The following XYLB variants were observed in gnomAD, a reference collection of about 807,000 sequenced individuals.
The protein encoded by XYLB is xylulose kinase.
XYLB carries 62 observed loss-of-function variants against 78.7 expected under a neutral mutation model. The observed-to-expected ratio is 0.79, with a 90% CI of 0.64 to 0.97. XYLB has a LOEUF of 0.97. Among genes scored for constraint, XYLB ranks in the 50% least tolerant of loss-of-function variants. The probability of loss-of-function intolerance (pLI) is 0.00; values close to 1 mark genes in which losing one functional copy is unlikely to be tolerated. For missense variants in XYLB, 687 were observed against 676.8 expected, an observed-to-expected ratio of 1.02 and a Z score of -0.17; for synonymous variants, 245 against 247.4, an observed-to-expected ratio of 0.99 and a Z score of 0.09.
chr3:38,433,224 G>A, the XYLB span, among the ~76,000 whole-genome samples: 1 of 152,232 alleles, frequency 6.6e-6, no homozygotes, highest in South Asian at 2.1e-4. Context: ...GAAGCAGCTG[G>A]GATGTAAGGC....
the XYLB span, among the ~76,000 whole-genome samples, chr3:38,431,978 A>G: frequency 1.3e-5 from 2 of 152,198 alleles, no homozygotes; most frequent in Non-Finnish European, 2.9e-5. Flanking sequence ...GTTACTTCCT[A>G]GACACAATGG....
chr3:38,398,954 C>T (rs998250105), intron 17 of XYLB, among the ~76,000 whole-genome samples: 1 of 151,648 alleles, frequency 6.6e-6, no homozygotes, highest in Admixed American at 6.6e-5. Context: ...ATAGCTTGAA[C>T]TTGGGAGGCG....
chr3:38,353,007 A>G (rs1317898569), intron 2 of XYLB, among the ~76,000 whole-genome samples: 1 of 152,164 alleles, frequency 6.6e-6, no homozygotes, highest in African/African-American at 2.4e-5. Context: ...CTGAGATTAC[A>G]GGCGTGAGCC....
In XYLB at chr3:38,346,874, G is replaced by A; in HGVS notation, c.6G>A (p.Ala2=). ...GCAGCCTTACCCGAAAGGCCATGGC[G>A]GAGCACGCCCCTCGCCGCTGCTGCC... M[A]EHAPRRCCLG... is the part of the protein sequence containing the mutation. Residue 2 remains alanine, a synonymous_variant, in exon 1 of 19, where the codon GCG becomes GCA. Transcript: ENST00000207870. 1 of 1,520,934 alleles carries A rather than the reference G, an allele frequency of 6.6e-7. No individual in the cohort carries two copies. Among genetic ancestry groups the A allele is most frequent in the South Asian group, 1.2e-5 (1 of 80,922 alleles). 94.2% of individuals were successfully genotyped at this position (1,520,934 alleles called of 1,614,324 possible).
intron 12 of XYLB, among the ~76,000 whole-genome samples, chr3:38,375,564 A>C (rs982573898): frequency 6.6e-6 from 1 of 152,106 alleles, no homozygotes; most frequent in African/African-American, 2.4e-5. Context: ...CACTTTCCTC[A>C]TGAGATGGGG....
chr3:38,351,129 G>A (rs936433400), intron 2 of XYLB, among the ~76,000 whole-genome samples: 7 of 126,514 alleles, frequency 5.5e-5, no homozygotes, highest in Admixed American at 2.0e-4. Flanking sequence ...CCAAGATCGC[G>A]CCACTGCACT....
At chr3:38,410,697 A>G (rs1708542189) in intron 18 of XYLB, among the ~76,000 whole-genome samples, 1 of 152,166 alleles carries the variant, frequency 6.6e-6, no homozygotes, top group Non-Finnish European at 1.5e-5. Context: ...AGAAAAAAAC[A>G]ACCCCATCAA....
At chr3:38,355,073 C>G (rs948341677) in intron 2 of XYLB, among the ~76,000 whole-genome samples, 1 of 152,228 alleles carries the variant, frequency 6.6e-6, no homozygotes, top group Non-Finnish European at 1.5e-5. Context: ...ATCAAGGAGT[C>G]GTTTCCCTAC....
At chr3:38,408,023 A>T (rs887102043) in intron 18 of XYLB, among the ~76,000 whole-genome samples, 4 of 152,128 alleles carry the variant, frequency 2.6e-5, no homozygotes, top group African/African-American at 9.7e-5. Context: ...TCAGCTCTGC[A>T]CCAAGCGGAC....
intron 17 of XYLB, among the ~76,000 whole-genome samples, chr3:38,398,263 T>C (rs1707971333): frequency 6.7e-6 from 1 of 150,322 alleles, no homozygotes; most frequent in African/African-American, 2.4e-5. Flanking sequence ...AGGTCAGGAG[T>C]TCGAGACCAG....
chr3:38,381,791 A>T (rs1707157935), intron 15 of XYLB, among the ~76,000 whole-genome samples: 2 of 152,228 alleles, frequency 1.3e-5, no homozygotes, highest in African/African-American at 4.8e-5. Flanking sequence ...CTGTCTCCTG[A>T]TAAGATGTTA....
chr3:38,362,317 T>A (rs920125990), intron 3 of XYLB, among the ~76,000 whole-genome samples: 3 of 152,214 alleles, frequency 2.0e-5, no homozygotes, highest in African/African-American at 7.2e-5. Context: ...TGGCTCACTA[T>A]AGCCTCAATC....
the XYLB span, among the ~76,000 whole-genome samples, chr3:38,438,679 A>G: frequency 2.0e-5 from 3 of 152,310 alleles, no homozygotes; most frequent in East Asian, 3.9e-4. Context: ...CAGCAGCAAG[A>G]TTTATTGTGA....
the XYLB span, among the ~76,000 whole-genome samples, chr3:38,433,701 C>G: frequency 6.6e-6 from 1 of 152,226 alleles, no homozygotes; most frequent in Admixed American, 6.5e-5. Flanking sequence ...CAACCTCAGC[C>G]TGGACTCCAT....
intron 2 of XYLB, among the ~76,000 whole-genome samples, chr3:38,354,235 T>A (rs1003314933): frequency 1.3e-5 from 2 of 151,788 alleles, no homozygotes; most frequent in Non-Finnish European, 2.9e-5. Context: ...CACTGGCTAA[T>A]TTTTGTATTT....
the XYLB span, among the ~76,000 whole-genome samples, chr3:38,441,314 T>C: frequency 6.6e-6 from 1 of 152,266 alleles, no homozygotes; most frequent in Non-Finnish European, 1.5e-5. Context: ...CCACTAGTTC[T>C]ACTAACTGAT....
At chr3:38,391,609 A>G (rs704956) in intron 15 of XYLB, among the ~76,000 whole-genome samples, 148,146 of 152,292 alleles carry the variant, frequency 0.97, 72,176 homozygotes, top group East Asian at 1. Flanking sequence ...ATTTGCTATG[A>G]CCTGACTGTG....
rs9870665 is a variant in XYLB at position 38,355,988 on chromosome 3, C to T, written c.141-4351C>T. 9.3e-4 allele frequency: 510 copies of T among 546,652 alleles called. 2 individuals are homozygous for T. The highest frequency in any genetic ancestry group is 8.9e-3 in the African/African-American group (473 of 53,018). 33.9% of individuals were successfully genotyped at this position (546,652 alleles called of 1,614,324 possible). A position where few individuals can be genotyped will look rare whatever the true frequency, so the allele number is the denominator to read the frequency against. On this transcript the variant is annotated intron_variant, in intron 2 of 18. Coordinates refer to ENST00000207870, the MANE Select transcript of XYLB (RefSeq NM_005108.4). ...TACTGGGGCCAGGTGTGGTCGCTCA[C>T]GCCTGTAATCCCAGCACTTTGGGAT...
rs748491862 is a variant in XYLB at position 38,374,473 on chromosome 3, G to T, written c.859G>T (p.Gly287Cys). 15 of 1,614,056 alleles carry T rather than the reference G, an allele frequency of 9.3e-6. No individual in the cohort carries two copies. The South Asian group carries it at 1.6e-4, about 18-fold the overall frequency. Residue 287 changes from glycine to cysteine, a missense_variant, in exon 11 of 19, where the codon GGC becomes TGC. Physicochemically the swap from Gly to Cys is radical, Grantham distance 159. Transcript: ENST00000207870. ...FTGDNPASLA[G>C]MRLEEGDIAV... The stretch of plus-strand genomic sequence containing the variant: ...CCTCCCATTCTCAGCGTCGCTGGCA[G>T]GCATGAGACTGGAGGAAGGTGACAT...
Sources: allele counts gnomAD v4.1 joint callset (sites outside exome capture counted in the v4.1 genomes callset), GRCh38; gene constraint gnomAD v4.1.1; transcripts MANE v1.5; gene names NCBI Gene and HGNC (gene_info 2026-07-23, HGNC 2026-07-21).